The following RANBP17 variants were observed in gnomAD, a reference collection of about 807,000 sequenced individuals.
The protein encoded by RANBP17 is RAN binding protein 17, also known as ran-binding protein 17.
Under a neutral mutation model 141.2 loss-of-function variants are expected in RANBP17, and 158 were observed. The observed-to-expected ratio is 1.12, with a 90% CI of 0.98 to 1.28. RANBP17 has a LOEUF of 1.28. Among genes scored for constraint, RANBP17 ranks in the 50% most tolerant of loss-of-function variants. RANBP17 has a pLI of 0.00. For missense variants in RANBP17, 1,438 were observed against 1,290.7 expected (o/e 1.11, Z -1.75); for synonymous variants, 430 against 450.0 (o/e 0.96, Z 0.56).
rs747581808 is a variant in RANBP17 at position 171,295,927 on chromosome 5, C to T, written c.3083C>T (p.Pro1028Leu). 3.1e-6 allele frequency: 5 copies of T among 1,613,656 alleles called. No individual in the cohort carries two copies. Among genetic ancestry groups the T allele is most frequent in the Non-Finnish European group, 4.2e-6 (5 of 1,179,800 alleles). The change falls in exon 27 of 28, where the codon CCC (proline) becomes CTC (leucine). Residue 1028 changes from proline to leucine, a missense_variant. Pro to Leu is a moderately conservative substitution (Grantham distance 98). Transcript: ENST00000523189. ...ELRASLINSQ[P>L]LPKQEVLAQC... The stretch of plus-strand genomic sequence containing the variant: ...AGAGCAAGTTTGATAAACAGCCAGC[C>T]CCTCCCCAAGCAGGAGGTCCTTGCC...
chr5:171,142,281 A>G (rs1161232291), intron 14 of RANBP17, among the ~76,000 whole-genome samples: 1 of 152,230 alleles, frequency 6.6e-6, no homozygotes, highest in African/African-American at 2.4e-5. Context: ...TCTTTTTCAT[A>G]GAATTTTCTG....
chr5:171,261,589 G>A (rs1040514797), intron 24 of RANBP17, among the ~76,000 whole-genome samples: 106 of 152,298 alleles, frequency 7.0e-4, no homozygotes, highest in Non-Finnish European at 1.4e-3. Context: ...TATTAATGAT[G>A]CATGTGCTTC....
At chr5:171,178,550 TGGG>T (rs1760667445) in intron 16 of RANBP17, among the ~76,000 whole-genome samples, 1 of 152,206 alleles carries the variant, frequency 6.6e-6, no homozygotes. Flanking sequence ...ATGGGATTGC[TGGG>T]TCAAATGGTA....
intron 22 of RANBP17, among the ~76,000 whole-genome samples, chr5:171,234,587 G>T (rs112646751): frequency 0.018 from 2,814 of 152,256 alleles, 84 homozygotes; most frequent in African/African-American, 0.057. Flanking sequence ...AATAGCAGTG[G>T]GAGTGGTCAG....
At chr5:171,055,357 G>A (rs925878775) in intron 14 of RANBP17, among the ~76,000 whole-genome samples, 2 of 152,066 alleles carry the variant, frequency 1.3e-5, no homozygotes, top group African/African-American at 4.8e-5. Flanking sequence ...TGTACTAACA[G>A]GTGTACCATA....
intron 14 of RANBP17, among the ~76,000 whole-genome samples, chr5:171,090,126 A>G (rs1327296571): frequency 6.6e-6 from 1 of 152,212 alleles, no homozygotes; most frequent in African/African-American, 2.4e-5. Context: ...GAGGGCTCAG[A>G]AGAAGATAGG....
chr5:171,227,084 C>T (rs1338223119), intron 22 of RANBP17, among the ~76,000 whole-genome samples: 1 of 152,136 alleles, frequency 6.6e-6, no homozygotes, highest in Non-Finnish European at 1.5e-5. Flanking sequence ...ATGAATAACC[C>T]TACAATGGCC....
In RANBP17 at chr5:171,020,495, G is replaced by T. The variant is rs577954544; in HGVS notation, c.1710+52118G>T. 3.3e-5 allele frequency among the ~76,000 whole-genome samples: 5 copies of T among 152,182 alleles called. No individual in the cohort carries two copies. In the East Asian group the frequency reaches 7.7e-4, roughly 24 times the overall value. ...TTTAGAATAGTTAGCTCTTCTTGTT[G>T]AATTGTTCCCTTTGCCATTACGTAA... On this transcript the variant is annotated intron_variant, in intron 14 of 27. Transcript: ENST00000523189.
At chr5:170,974,670 AT>A (rs1238072397) in intron 14 of RANBP17, among the ~76,000 whole-genome samples, 1 of 152,050 alleles carries the variant, frequency 6.6e-6, no homozygotes, top group Non-Finnish European at 1.5e-5. Flanking sequence ...AGGCAGCTCT[AT>A]TTTTGGAACT....
chr5:170,889,599 C>T (rs2127378695), intron 3 of RANBP17, among the ~76,000 whole-genome samples: 1 of 152,214 alleles, frequency 6.6e-6, no homozygotes, highest in South Asian at 2.1e-4. Context: ...CTATGAGAGC[C>T]ACATCAAGTA....
At chr5:171,270,812 T>C (rs1306726764) in intron 25 of RANBP17, among the ~76,000 whole-genome samples, 1 of 152,122 alleles carries the variant, frequency 6.6e-6, no homozygotes, top group Non-Finnish European at 1.5e-5. Flanking sequence ...AACTAATTGC[T>C]CTAGAAAGAG....
At chr5:170,923,762 A>G (rs1469407150) in intron 11 of RANBP17, among the ~76,000 whole-genome samples, 6 of 151,978 alleles carry the variant, frequency 3.9e-5, no homozygotes, top group Non-Finnish European at 8.8e-5. Flanking sequence ...CCTTTGTATG[A>G]TACTGTTTTT....
chr5:171,027,234 T>A (rs551839062), intron 14 of RANBP17, among the ~76,000 whole-genome samples: 138 of 152,350 alleles, frequency 9.1e-4, no homozygotes, highest in African/African-American at 3.2e-3. Context: ...TTTGAAAAAG[T>A]GCAGTTTATT....
chr5:171,021,733 A>G (rs1780870249), intron 14 of RANBP17, among the ~76,000 whole-genome samples: 1 of 152,108 alleles, frequency 6.6e-6, no homozygotes, highest in Non-Finnish European at 1.5e-5. Flanking sequence ...TTAGCTCAGC[A>G]TAGTTTTCTG....
intron 13 of RANBP17, among the ~76,000 whole-genome samples, chr5:170,958,534 T>C (rs539972285): frequency 2.0e-5 from 3 of 152,290 alleles, no homozygotes; most frequent in African/African-American, 7.2e-5. Flanking sequence ...AATATTGAGA[T>C]TCTAAACTAA....
At chr5:170,872,018 A>T (rs964277427) in intron 1 of RANBP17, among the ~76,000 whole-genome samples, 2 of 152,036 alleles carry the variant, frequency 1.3e-5, no homozygotes, top group Non-Finnish European at 2.9e-5. Flanking sequence ...TTTTGGTTCC[A>T]TATGAATTTT....
chr5:171,014,276 T>C (rs10475966), intron 14 of RANBP17, among the ~76,000 whole-genome samples: 90,028 of 151,728 alleles, frequency 0.59, 28,675 homozygotes, highest in South Asian at 0.88. Flanking sequence ...TTATCCTAGA[T>C]GAAAATCTCT....
chr5:171,066,354 T>A (rs1282621384), intron 14 of RANBP17, among the ~76,000 whole-genome samples: 2 of 152,184 alleles, frequency 1.3e-5, no homozygotes, highest in Admixed American at 1.3e-4. Context: ...TAACCACTAT[T>A]CTGCTCTCTA....
At chr5:171,197,689 C>T (rs1561754471) in intron 18 of RANBP17, among the ~76,000 whole-genome samples, 1 of 152,168 alleles carries the variant, frequency 6.6e-6, no homozygotes, top group African/African-American at 2.4e-5. Context: ...ATTATTGTTG[C>T]TATTATTAGA....
Sources: gnomAD v4.1 joint callset for allele counts (sites outside exome capture counted in the v4.1 genomes callset) on GRCh38, gnomAD v4.1.1 for gene constraint, MANE v1.5 for transcripts, NCBI Gene and HGNC (gene_info 2026-07-23, HGNC 2026-07-21) for gene names.